SLC36A4: variants seen among roughly 807,000 people sequenced by gnomAD.
SLC36A4 encodes the protein neutral amino acid uniporter 4.
Under a neutral mutation model 50.5 loss-of-function variants are expected in SLC36A4, and 49 were observed. The observed-to-expected ratio is 0.97, with a 90% CI of 0.77 to 1.23. The LOEUF (loss-of-function observed/expected upper bound fraction) is 1.23. SLC36A4 is among the 50% of genes most tolerant of loss of function. The pLI is 0.00. For missense variants in SLC36A4, 611 were observed against 608.4 expected (o/e 1.00, Z -0.05); for synonymous variants, 207 against 206.5 (o/e 1.00, Z -0.02).
intron 5 of SLC36A4, 80 bp downstream of exon 5, chr11:93,181,611 T>TTA (rs1861736896): frequency 3.9e-6 from 4 of 1,018,684 alleles, no homozygotes. Flanking sequence ...ATATTTTTAT[T>TTA]TATATATATT....
At position 93,146,423 on chromosome 11, in the gene SLC36A4, ACTT is replaced by A. The variant is rs1461521212; in HGVS notation, c.*2111_*2113del. The A allele has an allele frequency of 2.6e-5, 4 of 152,010 alleles. No homozygotes were observed. The highest frequency in any genetic ancestry group is 9.7e-5 in the African/African-American group (4 of 41,448). The allele number at this position is 152,010 out of a possible 1,614,324, so 9.4% of individuals were successfully genotyped here. On this transcript the variant is annotated 3_prime_UTR_variant, in exon 11 of 11. Coordinates refer to ENST00000326402, the MANE Select transcript of SLC36A4 (RefSeq NM_152313.4). The stretch of plus-strand genomic sequence containing the variant: ...TTCAGTGAAGATTCGTTTTCCTATA[ACTT>A]CTTCTGCATTCTCTTAGTATGACTA...
intron 1 of SLC36A4, 48 bp downstream of exon 1, chr11:93,197,730 A>AC: frequency 1.3e-6 from 2 of 1,560,436 alleles, no homozygotes; most frequent in Non-Finnish European, 1.7e-6. Flanking sequence ...TCCCGCACAG[A>AC]CCCCCGCCCA....
chr11:93,180,792 C>T lies in SLC36A4; in HGVS notation c.540+5G>A, dbSNP rs752529116. ...TGATTTCACTAACTGGAGAAAAATA[C>T]TCACTTGTTTCACATTTTCAGCTAA... On this transcript the variant is annotated splice_donor_5th_base_variant and intron_variant, in intron 6 of 10. Transcript: ENST00000326402. 6.3e-7 allele frequency: 1 copy of T among 1,599,416 alleles called. No individual in the cohort carries two copies. Among genetic ancestry groups the T allele is most frequent in the Admixed American group, 1.7e-5 (1 of 59,814 alleles).
At chr11:93,164,273 G>C (rs1256773706) in intron 8 of SLC36A4, among the ~76,000 whole-genome samples, 1 of 152,058 alleles carries the variant, frequency 6.6e-6, no homozygotes, top group Non-Finnish European at 1.5e-5. Context: ...GTCAAATTCA[G>C]TAAAACTAAT....
chr11:93,178,395 A>C (rs2134685945), intron 6 of SLC36A4, among the ~76,000 whole-genome samples: 1 of 152,118 alleles, frequency 6.6e-6, no homozygotes, highest in East Asian at 1.9e-4. Flanking sequence ...CATGGGCTGC[A>C]CCCACTGTCC....
intron 9 of SLC36A4, among the ~76,000 whole-genome samples, chr11:93,158,230 G>A (rs566761978): frequency 6.6e-6 from 1 of 152,214 alleles, no homozygotes; most frequent in African/African-American, 2.4e-5. Flanking sequence ...CCTATACTCT[G>A]ATATGTAACT....
chr11:93,177,931 T>G (rs962043217), intron 6 of SLC36A4, among the ~76,000 whole-genome samples: 1 of 152,212 alleles, frequency 6.6e-6, no homozygotes, highest in African/African-American at 2.4e-5. Flanking sequence ...TCTGCAGAAG[T>G]TTCTGCTGCC....
intron 6 of SLC36A4, among the ~76,000 whole-genome samples, chr11:93,178,685 G>A (rs1022112590): frequency 1.1e-4 from 16 of 152,148 alleles, no homozygotes; most frequent in East Asian, 5.8e-4. Flanking sequence ...TATCAGTCAC[G>A]GGACATACTG....
At chr11:93,197,503 G>A in intron 1 of SLC36A4, 1 of 508,520 alleles carries the variant, frequency 2.0e-6, no homozygotes, top group South Asian at 2.6e-5. Flanking sequence ...TGTACCCACA[G>A]GGCCCCGCCC....
At chr11:93,166,243 T>C in intron 7 of SLC36A4, 1 of 1,241,542 alleles carries the variant, frequency 8.1e-7, no homozygotes, top group Non-Finnish European at 1.0e-6. Context: ...ACATTCCATC[T>C]GAGCAAAATG....
At chr11:93,164,343 C>A (rs771432894) in intron 8 of SLC36A4, among the ~76,000 whole-genome samples, 3 of 152,094 alleles carry the variant, frequency 2.0e-5, no homozygotes, top group Non-Finnish European at 4.4e-5. Flanking sequence ...GACTGAAAAA[C>A]CAAGTTTTTA....
chr11:93,193,380 C>T (rs992543617), intron 1 of SLC36A4, among the ~76,000 whole-genome samples: 2 of 152,118 alleles, frequency 1.3e-5, no homozygotes, highest in Non-Finnish European at 1.5e-5. Context: ...CTATTATTTT[C>T]GCCCAATGTT....
intron 10 of SLC36A4, chr11:93,152,586 C>A (rs1283206389): frequency 6.6e-6 from 1 of 152,116 alleles, no homozygotes; most frequent in Non-Finnish European, 1.5e-5. Context: ...GTGCTATGAA[C>A]TAAGCCCCTG....
chr11:93,162,663 A>G (rs754513671), intron 9 of SLC36A4, 43 bp downstream of exon 9: 1 of 1,444,296 alleles, frequency 6.9e-7, no homozygotes, highest in Non-Finnish European at 9.5e-7. Context: ...GTGGTACATT[A>G]TAAAATATAT....
At chr11:93,156,505 C>T (rs1860371286) in intron 9 of SLC36A4, among the ~76,000 whole-genome samples, 1 of 151,508 alleles carries the variant, frequency 6.6e-6, no homozygotes, top group African/African-American at 2.4e-5. Flanking sequence ...CTGCAACCTC[C>T]ACCTCCCCAG....
At chr11:93,175,712 A>T (rs935118701) in intron 6 of SLC36A4, among the ~76,000 whole-genome samples, 3 of 64,924 alleles carry the variant, frequency 4.6e-5, no homozygotes, top group Non-Finnish European at 1.1e-4. Context: ...TGTACCCAGT[A>T]GTCATTCAGG....
chr11:93,148,363 TTC>T lies in SLC36A4; in HGVS notation c.*172_*173del. The T allele has an allele frequency of 1.8e-6, 1 of 549,964 alleles. No homozygotes were observed. Among genetic ancestry groups the T allele is most frequent in the Non-Finnish European group, 3.1e-6 (1 of 324,938 alleles). 34.1% of individuals were successfully genotyped at this position (549,964 alleles called of 1,614,324 possible). A position where few individuals can be genotyped will look rare whatever the true frequency, so the allele number is the denominator to read the frequency against. On this transcript the variant is annotated 3_prime_UTR_variant, in exon 11 of 11. Coordinates refer to ENST00000326402, the MANE Select transcript of SLC36A4 (RefSeq NM_152313.4). ...TGCTAACACTTAAAAGCAAGGATTT[TTC>T]ATAGGTTTACCACTACTGGTAAAGA...
chr11:93,158,768 G>T lies in SLC36A4; in HGVS notation c.1037+3938C>A, dbSNP rs182037767. Among the ~76,000 whole-genome samples, 11 of 152,080 alleles carry T rather than the reference G, an allele frequency of 7.2e-5. No homozygotes were observed. In the East Asian group the frequency reaches 2.1e-3, roughly 29 times the overall value. The stretch of plus-strand genomic sequence containing the variant: ...ATTTTGGTTTTAAGCAGCATCTATT[G>T]TAAGGCTTCTTTTGTACTACGTTTT... On this transcript the variant is annotated intron_variant, in intron 9 of 10. Coordinates refer to ENST00000326402, the MANE Select transcript of SLC36A4 (RefSeq NM_152313.4).
intron 9 of SLC36A4, chr11:93,159,691 T>C (rs1412387437): frequency 4.6e-6 from 2 of 438,360 alleles, no homozygotes; most frequent in African/African-American, 2.1e-5. Context: ...ATACATTCTT[T>C]ACTTCAAAAG....
Sources: gnomAD v4.1 joint callset for allele counts (sites outside exome capture counted in the v4.1 genomes callset) on GRCh38, gnomAD v4.1.1 for gene constraint, MANE v1.5 for transcripts, NCBI Gene and HGNC (gene_info 2026-07-23, HGNC 2026-07-21) for gene names.